Variants in RUVBL1 observed in about 807,000 individuals in gnomAD.
The protein encoded by RUVBL1 is RuvB like AAA ATPase 1, also known as ruvB-like 1.
A neutral mutation model predicts 52.4 loss-of-function variants in RUVBL1; 4 were observed. The observed-to-expected ratio is 0.08, with a 90% confidence interval of 0.04 to 0.17. The LOEUF (loss-of-function observed/expected upper bound fraction) is 0.17, where lower values mean the gene tolerates loss of function less well. Among genes scored for constraint, RUVBL1 ranks in the 10% least tolerant of loss-of-function variants. The probability of loss-of-function intolerance (pLI) is 1.00; values close to 1 mark genes in which losing one functional copy is unlikely to be tolerated. For synonymous variants in RUVBL1, 217 were observed against 214.4 expected, an observed-to-expected ratio of 1.01 and a Z score of -0.10; for missense variants, 298 against 572.8, an observed-to-expected ratio of 0.52 and a Z score of 4.90.
chr3:128,105,111 CTTT>C (rs34719630), intron 3 of RUVBL1, among the ~76,000 whole-genome samples, 187 bp from the exon 4 acceptor site: 14 of 134,028 alleles, frequency 1.0e-4, no homozygotes, highest in African/African-American at 1.4e-4. Context: ...AGAAATGCAA[CTTT>C]TTTTTTTTTT....
At chr3:128,115,842 G>A (rs1040861113) in intron 2 of RUVBL1, among the ~76,000 whole-genome samples, 5 of 152,238 alleles carry the variant, frequency 3.3e-5, no homozygotes, top group South Asian at 4.1e-4. Flanking sequence ...GAATAAAACC[G>A]GGACTGGGCA....
chr3:128,138,656 T>A (rs1234240307), intron 1 of RUVBL1, among the ~76,000 whole-genome samples: 1 of 152,024 alleles, frequency 6.6e-6, no homozygotes, highest in Non-Finnish European at 1.5e-5. Context: ...GTGCAATCCC[T>A]ATAAAAATAC....
At chr3:128,109,917 G>A (rs1430412342) in intron 3 of RUVBL1, among the ~76,000 whole-genome samples, 1 of 141,318 alleles carries the variant, frequency 7.1e-6, no homozygotes, top group Non-Finnish European at 1.5e-5. Flanking sequence ...CCGGGTTCAA[G>A]CAATTCTCCT....
chr3:128,111,613 T>C (rs1943397153), intron 3 of RUVBL1, among the ~76,000 whole-genome samples: 1 of 152,116 alleles, frequency 6.6e-6, no homozygotes, highest in African/African-American at 2.4e-5. Context: ...CCCTCCTTAC[T>C]ATCCACTCCC....
chr3:128,094,463 C>A (rs1373578483), intron 8 of RUVBL1, among the ~76,000 whole-genome samples: 1 of 152,222 alleles, frequency 6.6e-6, no homozygotes, highest in Non-Finnish European at 1.5e-5. Context: ...CCAGGCAGCA[C>A]CCCGTCAAAG....
intron 9 of RUVBL1, among the ~76,000 whole-genome samples, chr3:128,068,311 C>T (rs760869700): frequency 2.6e-5 from 4 of 152,236 alleles, no homozygotes; most frequent in Non-Finnish European, 4.4e-5. Context: ...TGTGGCCAGG[C>T]GGATAGGAGA....
intron 1 of RUVBL1, among the ~76,000 whole-genome samples, chr3:128,122,408 T>C (rs1427900731): frequency 6.6e-6 from 1 of 152,206 alleles, no homozygotes; most frequent in African/African-American, 2.4e-5. Context: ...TTTTTTTGTG[T>C]CTGAAAACTG....
intron 1 of RUVBL1, among the ~76,000 whole-genome samples, chr3:128,131,338 G>A (rs1252360960): frequency 6.6e-6 from 1 of 152,078 alleles, no homozygotes; most frequent in Non-Finnish European, 1.5e-5. Flanking sequence ...AACTATCTGG[G>A]TGTGGTGGCA....
chr3:128,149,431 C>T (rs116568016), intron 1 of RUVBL1, among the ~76,000 whole-genome samples: 2,135 of 152,270 alleles, frequency 0.014, 54 homozygotes, highest in African/African-American at 0.048. Flanking sequence ...GTGATCTGCC[C>T]GCCTTCGCCT....
At chr3:128,080,464 CA>C (rs1203553677), downstream of RUVBL1, among the ~76,000 whole-genome samples, 1 of 152,216 alleles carries the variant, frequency 6.6e-6, no homozygotes, top group African/African-American at 2.4e-5. Context: ...AACATGACCT[CA>C]GCCAAAGGGT....
Position 128,123,406 on chromosome 3 carries a change from T to TC in RUVBL1, c.141+177dup, listed in dbSNP as rs1335838943. 2.6e-5 allele frequency among the ~76,000 whole-genome samples: 4 copies of TC among 152,130 alleles called. No individual in the cohort carries two copies. The East Asian group carries it at 7.8e-4, about 30-fold the overall frequency. The stretch of plus-strand genomic sequence containing the variant: ...TCACTAGGTATCCTGGGGCGGCCCC[T>TC]CACCCAGCTCCAGGGCGGCGCCCCT... On this transcript the variant is annotated intron_variant, in intron 1 of 10. Transcript: ENST00000322623.
exon 1 of RUVBL1, chr3:128,153,909 C>T (rs1944311544): frequency 1.4e-6 from 2 of 1,415,272 alleles, no homozygotes; most frequent in Non-Finnish European, 1.8e-6. Context: ...GAGCCTTTGC[C>T]GGGACGGGAA....
chr3:128,116,235 G>A (rs1943519608), intron 2 of RUVBL1, among the ~76,000 whole-genome samples: 1 of 151,176 alleles, frequency 6.6e-6, no homozygotes, highest in African/African-American at 2.4e-5. Flanking sequence ...TAAAAAAGGT[G>A]GGCCATAACA....
rs386397876 is a variant in RUVBL1 at position 128,074,842 on chromosome 3, CAAAA to C, written c.940-9626_940-9623del. 6.7e-3 allele frequency among the ~76,000 whole-genome samples: 489 copies of C among 72,808 alleles called. 4 individuals are homozygous for C. Among genetic ancestry groups the C allele is most frequent in the African/African-American group, 0.022 (446 of 20,376 alleles). 47.8% of individuals were successfully genotyped at this position (72,808 alleles called of 152,430 possible). On this transcript the variant is annotated intron_variant, in intron 9 of 9. Coordinates refer to the RUVBL1 transcript ENST00000464873. Reference sequence around the variant, plus strand: ...GGGCAACAGGAGCGAAACTCCGTCTCAAAAAAAAAAAAAAAAAAAAAAACTTAAA... The same window carrying C: ...GGGCAACAGGAGCGAAACTCCGTCTCAAAAAAAAAAAAAAAAAAACTTAAA...
At chr3:128,153,569 C>G (rs1944294573) in exon 1 of RUVBL1, 9 of 1,541,102 alleles carry the variant, frequency 5.8e-6, no homozygotes, top group Non-Finnish European at 7.8e-6. Flanking sequence ...AGCGGCAAGA[C>G]GGCGCTGGCG....
intron 9 of RUVBL1, chr3:128,083,887 G>A (rs1195095667): frequency 1.3e-5 from 2 of 152,320 alleles, no homozygotes; most frequent in Non-Finnish European, 2.9e-5. Context: ...AGACCAGCCT[G>A]ACCAACATGG....
At chr3:128,147,156 A>G (rs968098759) in intron 1 of RUVBL1, among the ~76,000 whole-genome samples, 1 of 151,894 alleles carries the variant, frequency 6.6e-6, no homozygotes, top group Non-Finnish European at 1.5e-5. Flanking sequence ...TGCAGCCTTG[A>G]CCTCCTGGGG....
chr3:128,067,186 A>C lies in RUVBL1; in HGVS notation c.940-1966T>G. 1.3e-6 allele frequency: 2 copies of C among 1,589,922 alleles called. No homozygotes were observed. The highest frequency in any genetic ancestry group is 1.7e-6 in the Non-Finnish European group (2 of 1,158,066). On this transcript the variant is annotated intron_variant, in intron 9 of 9. Coordinates refer to the RUVBL1 transcript ENST00000464873. The surrounding 1 kb of genome is among the most constrained non-coding windows in gnomAD (Gnocchi z 4.1). ...CTCTTTGAAGATGAGCTAGCAATGCAGCTAAGTTGCAGTGGTTTCTATCAG... is the reference window on the plus strand; with the variant it reads ...CTCTTTGAAGATGAGCTAGCAATGCCGCTAAGTTGCAGTGGTTTCTATCAG...
chr3:128,126,348 C>T (rs1388869240), upstream of RUVBL1, among the ~76,000 whole-genome samples: 5 of 152,086 alleles, frequency 3.3e-5, no homozygotes, highest in Admixed American at 6.6e-5. Flanking sequence ...GAGTTCGAAA[C>T]CAGCCCGGCC....
Sources: gnomAD v4.1 joint callset for allele counts (sites outside exome capture counted in the v4.1 genomes callset) on GRCh38, gnomAD v4.1.1 for gene constraint, Gnocchi (gnomAD v3.1) non-coding constraint, MANE v1.5 for transcripts, NCBI Gene and HGNC (gene_info 2026-07-23, HGNC 2026-07-21) for gene names.